Variants in MALRD1 observed in about 807,000 individuals in gnomAD.
MALRD1 encodes the protein MAM and LDL-receptor class A domain-containing protein 1.
MALRD1 carries 247 observed loss-of-function variants against 242.1 expected under a neutral mutation model. The observed-to-expected ratio is 1.02, with a 90% CI of 0.92 to 1.13. The LOEUF (loss-of-function observed/expected upper bound fraction) is 1.13, where lower values mean the gene tolerates loss of function less well. Ranked by LOEUF, MALRD1 falls within the 50% of genes most tolerant of loss-of-function variation. The pLI is 0.00. For synonymous variants in MALRD1, 995 were observed against 866.6 expected, an observed-to-expected ratio of 1.15 and a Z score of -2.60; for missense variants, 2,989 against 2,533.1, an observed-to-expected ratio of 1.18 and a Z score of -3.86.
intron 28 of MALRD1, among the ~76,000 whole-genome samples, chr10:19,428,787 T>A (rs1389273391): frequency 6.6e-6 from 1 of 152,224 alleles, no homozygotes; most frequent in African/African-American, 2.4e-5. Flanking sequence ...TTTTGTATTT[T>A]CAGAATAAGA....
chr10:19,071,443 C>T (rs776161884), intron 2 of MALRD1, among the ~76,000 whole-genome samples: 44 of 152,058 alleles, frequency 2.9e-4, no homozygotes, highest in Non-Finnish European at 1.2e-4. Context: ...ACTCCATCTG[C>T]AGCTGCAGCT....
chr10:19,723,238 AATT>A (rs1834853848), intron 38 of MALRD1, among the ~76,000 whole-genome samples: 1 of 152,190 alleles, frequency 6.6e-6, no homozygotes, highest in African/African-American at 2.4e-5. Flanking sequence ...TTGATAGATA[AATT>A]ATTATGTTTA....
chr10:19,580,363 G>C (rs1837051294), intron 33 of MALRD1, among the ~76,000 whole-genome samples: 2 of 152,056 alleles, frequency 1.3e-5, no homozygotes, highest in South Asian at 2.1e-4. Context: ...TGTTTCTTCA[G>C]ATCTTATTTT....
chr10:19,084,283 A>G (rs1158177536), intron 2 of MALRD1, among the ~76,000 whole-genome samples: 1 of 151,916 alleles, frequency 6.6e-6, no homozygotes, highest in Non-Finnish European at 1.5e-5. Context: ...TAAGACTACT[A>G]TTTGCTCTCT....
intron 36 of MALRD1, among the ~76,000 whole-genome samples, chr10:19,635,604 A>G (rs1020837882): frequency 5.3e-5 from 8 of 152,210 alleles, no homozygotes; most frequent in South Asian, 2.1e-4. Flanking sequence ...CAGTGATGAT[A>G]TATGTGATAT....
At chr10:19,355,859 T>TATATATATATATATATATACAC (rs1348787430) in intron 26 of MALRD1, among the ~76,000 whole-genome samples, 55 of 18,254 alleles carry the variant, frequency 3.0e-3, no homozygotes, top group Admixed American at 0.016. Flanking sequence ...ATATATATAT[T>TATATATATATATATATATACAC]ATATATGATA....
intron 24 of MALRD1, among the ~76,000 whole-genome samples, chr10:19,335,805 A>T (rs182123412): frequency 0.021 from 3,155 of 151,042 alleles, 59 homozygotes; most frequent in African/African-American, 0.038. Context: ...TGGAGAAAAA[A>T]TTTTTTTTTA....
intron 21 of MALRD1, among the ~76,000 whole-genome samples, chr10:19,299,415 A>C (rs1841845364): frequency 6.6e-6 from 1 of 151,948 alleles, no homozygotes. Context: ...GCCAGCAATG[A>C]TCAAAAAGGA....
intron 38 of MALRD1, among the ~76,000 whole-genome samples, chr10:19,720,266 C>A (rs1304555842): frequency 6.6e-6 from 1 of 152,134 alleles, no homozygotes; most frequent in African/African-American, 2.4e-5. Flanking sequence ...TTTCTGGGTA[C>A]CTTTTACTGA....
intron 4 of MALRD1, among the ~76,000 whole-genome samples, chr10:19,099,278 G>A (rs1314774921): frequency 6.6e-6 from 1 of 152,146 alleles, no homozygotes; most frequent in Non-Finnish European, 1.5e-5. Context: ...TAGAAGGGAA[G>A]CCTTGCCAAG....
chr10:19,403,664 A>C (rs773210809), intron 28 of MALRD1, among the ~76,000 whole-genome samples: 56 of 152,082 alleles, frequency 3.7e-4, no homozygotes, highest in Non-Finnish European at 7.5e-4. Flanking sequence ...ATGAGCCCTA[A>C]GGATTTTACA....
chr10:19,194,077 C>T (rs1211388701), intron 14 of MALRD1, among the ~76,000 whole-genome samples: 1 of 151,838 alleles, frequency 6.6e-6, no homozygotes, highest in East Asian at 1.9e-4. Context: ...AACAACCCAC[C>T]TCATATCACC....
At chr10:19,729,631 C>T (rs1259014093) in intron 38 of MALRD1, among the ~76,000 whole-genome samples, 2 of 130,702 alleles carry the variant, frequency 1.5e-5, no homozygotes, top group East Asian at 5.2e-4. Flanking sequence ...TTCTTGGTTA[C>T]TTTTTTTTGT....
At position 19,708,372 on chromosome 10, in the gene MALRD1, C is replaced by G. The variant is rs188777027; in HGVS notation, c.6314+15818C>G. 5.2e-5 allele frequency among the ~76,000 whole-genome samples: 4 copies of G among 76,870 alleles called. 1 individual carries two copies. The highest frequency in any genetic ancestry group is 1.7e-4 in the African/African-American group (4 of 23,802). The allele number at this position is 76,870 out of a possible 152,430, so 50.4% of individuals were successfully genotyped here. ...TTTTTTTTTGAGACAGGGTCTTGTT[C>G]TGCTGCCCATGCTAAAGTGCAAGGG... On this transcript the variant is annotated intron_variant, in intron 38 of 39. Coordinates refer to ENST00000454679, the MANE Select transcript of MALRD1 (RefSeq NM_001142308.3).
At chr10:19,623,905 C>T (rs188583670) in intron 36 of MALRD1, among the ~76,000 whole-genome samples, 1 of 152,114 alleles carries the variant, frequency 6.6e-6, no homozygotes, top group Admixed American at 6.6e-5. Flanking sequence ...TCAGTTAAAA[C>T]ATAAAATTAA....
chr10:19,698,606 G>A (rs1833480300), intron 38 of MALRD1, among the ~76,000 whole-genome samples: 1 of 152,144 alleles, frequency 6.6e-6, no homozygotes, highest in African/African-American at 2.4e-5. Context: ...AGGAGAGGAA[G>A]ATACCATCAC....
intron 21 of MALRD1, among the ~76,000 whole-genome samples, chr10:19,305,871 T>C (rs1564546482): frequency 7.7e-6 from 1 of 130,316 alleles, no homozygotes; most frequent in African/African-American, 3.0e-5. Context: ...TACTATATAT[T>C]ATATAATATA....
chr10:19,580,951 A>G (rs1837091788), intron 33 of MALRD1, among the ~76,000 whole-genome samples: 1 of 152,136 alleles, frequency 6.6e-6, no homozygotes, highest in Non-Finnish European at 1.5e-5. Context: ...AATAGAGGTC[A>G]TGTTCCATCT....
At chr10:19,368,860 G>T (rs1845227280) in intron 26 of MALRD1, among the ~76,000 whole-genome samples, 1 of 136,494 alleles carries the variant, frequency 7.3e-6, no homozygotes. Flanking sequence ...GTGCTTTTTG[G>T]TGATTTGTGT....
Sources: gnomAD v4.1 joint callset for allele counts (sites outside exome capture counted in the v4.1 genomes callset) on GRCh38, gnomAD v4.1.1 for gene constraint, MANE v1.5 for transcripts, NCBI Gene and HGNC (gene_info 2026-07-23, HGNC 2026-07-21) for gene names.